CFDP1: variants seen among roughly 807,000 people sequenced by gnomAD.
The protein encoded by CFDP1 is chromatin remodeling protein CFDP1.
A neutral mutation model predicts 40.1 loss-of-function variants in CFDP1; 31 were observed. The observed-to-expected ratio is 0.77, with a 90% CI of 0.58 to 1.04. The LOEUF is 1.04. Among genes scored for constraint, CFDP1 ranks in the 50% least tolerant of loss-of-function variants. The pLI is 0.00. For missense variants in CFDP1, 423 were observed against 343.4 expected (o/e 1.23, Z -1.83); for synonymous variants, 167 against 120.0 (o/e 1.39, Z -2.56).
At chr16:75,411,977 T>C (rs189196678) in intron 3 of CFDP1, 25 bp from the exon 4 acceptor site, 64 of 1,575,772 alleles carry the variant, frequency 4.1e-5, no homozygotes, top group Non-Finnish European at 5.0e-5. Flanking sequence ...AGAAATGTAA[T>C]GTTTCACCAA....
chr16:75,316,390 TGAATTAATAGTAAA>T (rs1046646406), intron 5 of CFDP1, among the ~76,000 whole-genome samples: 1 of 151,460 alleles, frequency 6.6e-6, no homozygotes, highest in African/African-American at 2.4e-5. Context: ...CAGACTAGGG[TGAATTAATAGTAAA>T]GAATCCTATT....
At chr16:75,391,274 G>A (rs184648783) in intron 5 of CFDP1, 2 of 151,964 alleles carry the variant, frequency 1.3e-5, no homozygotes, top group African/African-American at 4.9e-5. Flanking sequence ...AGAAACCTAA[G>A]AAGAGCTTCT....
intron 5 of CFDP1, among the ~76,000 whole-genome samples, chr16:75,386,150 T>C (rs2078896137): frequency 6.6e-6 from 1 of 151,972 alleles, no homozygotes; most frequent in Admixed American, 6.6e-5. Context: ...AAAAAAAAAG[T>C]TTGTGATCCT....
chr16:75,410,714 C>T (rs1350852447), intron 4 of CFDP1, among the ~76,000 whole-genome samples: 2 of 151,292 alleles, frequency 1.3e-5, no homozygotes, highest in Admixed American at 1.3e-4. Flanking sequence ...CGAGACCATC[C>T]CGGCTAACAT....
chr16:75,312,732 C>T (rs1314395812), intron 5 of CFDP1, among the ~76,000 whole-genome samples: 2 of 152,174 alleles, frequency 1.3e-5, no homozygotes, highest in East Asian at 3.8e-4. Context: ...GGCCTCTCAG[C>T]TGACTGTCAG....
chr16:75,396,849 T>C (rs190791812), intron 4 of CFDP1, among the ~76,000 whole-genome samples: 2 of 152,200 alleles, frequency 1.3e-5, no homozygotes, highest in Non-Finnish European at 2.9e-5. Flanking sequence ...AAATGCAGTC[T>C]ATTATGGCCG....
intron 6 of CFDP1, among the ~76,000 whole-genome samples, chr16:75,303,395 A>G (rs201377895): frequency 0.034 from 2,080 of 61,902 alleles, 40 homozygotes; most frequent in African/African-American, 0.073. Flanking sequence ...ATAAATAAAT[A>G]AATAAATGTA....
At chr16:75,312,329 A>C (rs1259117046) in intron 5 of CFDP1, among the ~76,000 whole-genome samples, 1 of 152,200 alleles carries the variant, frequency 6.6e-6, no homozygotes, top group Non-Finnish European at 1.5e-5. Flanking sequence ...AGAAGTTCCA[A>C]AGATTTTTAA....
At chr16:75,378,709 A>G (rs989803227) in intron 5 of CFDP1, among the ~76,000 whole-genome samples, 2 of 152,198 alleles carry the variant, frequency 1.3e-5, no homozygotes, top group African/African-American at 4.8e-5. Context: ...GCAAAGGGGT[A>G]GTAGTTAGAG....
chr16:75,321,260 C>T (rs1332120059), intron 5 of CFDP1, among the ~76,000 whole-genome samples: 3 of 152,206 alleles, frequency 2.0e-5, no homozygotes, highest in Non-Finnish European at 4.4e-5. Context: ...CCACAGTGCC[C>T]AGCCTGGCTA....
At chr16:75,369,352 T>TAGCC (rs1184591661) in intron 5 of CFDP1, among the ~76,000 whole-genome samples, 1 of 149,456 alleles carries the variant, frequency 6.7e-6, no homozygotes, top group Non-Finnish European at 1.5e-5. Context: ...AGTTCAAGAC[T>TAGCC]AGCCTTAGCA....
At chr16:75,341,102 T>C (rs1313061786) in intron 5 of CFDP1, among the ~76,000 whole-genome samples, 3 of 152,216 alleles carry the variant, frequency 2.0e-5, no homozygotes, top group Admixed American at 2.0e-4. Context: ...CCCAGAGCAC[T>C]TTCTAATGCT....
At chr16:75,325,663 G>C (rs2078396238) in intron 5 of CFDP1, among the ~76,000 whole-genome samples, 1 of 152,310 alleles carries the variant, frequency 6.6e-6, no homozygotes, top group Non-Finnish European at 1.5e-5. Flanking sequence ...CACCCGGCAG[G>C]GTGCCTGGCA....
intron 5 of CFDP1, among the ~76,000 whole-genome samples, chr16:75,314,278 A>C (rs1000647478): frequency 2.0e-5 from 3 of 152,228 alleles, no homozygotes; most frequent in Admixed American, 2.0e-4. Context: ...AATGGGCTAC[A>C]AAAAGGAATA....
At chr16:75,382,829 A>G (rs756091660) in intron 5 of CFDP1, among the ~76,000 whole-genome samples, 22 of 151,692 alleles carry the variant, frequency 1.5e-4, no homozygotes, top group Non-Finnish European at 2.5e-4. Context: ...ACTGTGGGGG[A>G]AAACTCTTCT....
At chr16:75,321,266 G>C (rs1160788980) in intron 5 of CFDP1, among the ~76,000 whole-genome samples, 1 of 152,026 alleles carries the variant, frequency 6.6e-6, no homozygotes, top group African/African-American at 2.4e-5. Flanking sequence ...TGCCCAGCCT[G>C]GCTAATACTT....
chr16:75,323,592 C>T (rs149556596), intron 5 of CFDP1, among the ~76,000 whole-genome samples: 4 of 152,206 alleles, frequency 2.6e-5, no homozygotes, highest in Admixed American at 2.6e-4. Context: ...ACCAGCCTGA[C>T]TAACATGGTG....
intron 5 of CFDP1, among the ~76,000 whole-genome samples, chr16:75,394,127 GGAC>G (rs1258478729): frequency 6.6e-6 from 1 of 152,110 alleles, no homozygotes; most frequent in Non-Finnish European, 1.5e-5. Flanking sequence ...AAGGAAGAGG[GGAC>G]AATATCTGAC....
At chr16:75,391,117 T>C (rs1392961506) in intron 5 of CFDP1, among the ~76,000 whole-genome samples, 2 of 152,242 alleles carry the variant, frequency 1.3e-5, no homozygotes, top group Non-Finnish European at 2.9e-5. Flanking sequence ...TTCTCCATTC[T>C]TTAGTTATTT....
Sources: gnomAD v4.1 joint callset for allele counts (sites outside exome capture counted in the v4.1 genomes callset) on GRCh38, gnomAD v4.1.1 for gene constraint, MANE v1.5 for transcripts, NCBI Gene and HGNC (gene_info 2026-07-23, HGNC 2026-07-21) for gene names.